SOX5: variants seen among roughly 807,000 people sequenced by gnomAD.
SOX5 encodes the protein transcription factor SOX-5.
SOX5 carries 9 observed loss-of-function variants against 92.0 expected under a neutral mutation model. The ratio of observed to expected loss-of-function variants is 0.10; its 90% CI spans 0.06 to 0.17. The LOEUF is 0.17. SOX5 is among the 10% of genes least tolerant of loss of function. The pLI is 1.00. For missense variants in SOX5, 642 were observed against 944.5 expected (o/e 0.68, Z 4.20); for synonymous variants, 344 against 336.3 (o/e 1.02, Z -0.25).
At chr12:23,679,866 C>G (rs2086296637) in intron 6 of SOX5, among the ~76,000 whole-genome samples, 1 of 151,438 alleles carries the variant, frequency 6.6e-6, no homozygotes. Context: ...ATTTAGATAC[C>G]CAAAGATATC....
chr12:24,444,754 T>C (rs1315551807), intron 1 of SOX5, among the ~76,000 whole-genome samples: 1 of 152,106 alleles, frequency 6.6e-6, no homozygotes, highest in Non-Finnish European at 1.5e-5. Context: ...CAGCCCACTG[T>C]CTCAGTTCAA....
chr12:24,119,724 A>G (rs1240526367), intron 4 of SOX5, among the ~76,000 whole-genome samples: 1 of 152,182 alleles, frequency 6.6e-6, no homozygotes, highest in South Asian at 2.1e-4. Flanking sequence ...AAAAGGATAC[A>G]GGTCAATGTA....
At chr12:24,383,764 G>A (rs975077622) in intron 1 of SOX5, among the ~76,000 whole-genome samples, 3 of 152,266 alleles carry the variant, frequency 2.0e-5, no homozygotes, top group Admixed American at 1.3e-4. Context: ...GGACTGGTTG[G>A]GGGGTACTGG....
chr12:24,028,274 T>C (rs983385653), intron 4 of SOX5, among the ~76,000 whole-genome samples: 1 of 151,986 alleles, frequency 6.6e-6, no homozygotes, highest in Non-Finnish European at 1.5e-5. Context: ...CTGTCTCATT[T>C]GGTGCAAAAC....
chr12:23,761,401 G>C (rs545731054), intron 3 of SOX5, among the ~76,000 whole-genome samples: 1 of 152,152 alleles, frequency 6.6e-6, no homozygotes, highest in Admixed American at 6.5e-5. Context: ...GGTACTAACA[G>C]GTTGGTAATT....
chr12:24,435,859 G>A (rs1939327723), intron 1 of SOX5, among the ~76,000 whole-genome samples: 1 of 151,806 alleles, frequency 6.6e-6, no homozygotes, highest in African/African-American at 2.4e-5. Context: ...TACTCATTTT[G>A]TTTCTGTGTC....
intron 1 of SOX5, among the ~76,000 whole-genome samples, chr12:24,400,218 G>A (rs751220671): frequency 2.0e-5 from 3 of 152,214 alleles, no homozygotes; most frequent in Non-Finnish European, 2.9e-5. Flanking sequence ...TTTCAAGATA[G>A]ATGGCACAAT....
At chr12:23,824,833 G>C (rs917403869) in intron 3 of SOX5, among the ~76,000 whole-genome samples, 3 of 152,164 alleles carry the variant, frequency 2.0e-5, no homozygotes, top group African/African-American at 7.2e-5. Flanking sequence ...TAGCTTTGCC[G>C]AGCTGTGGTG....
chr12:23,870,029 T>C (rs1246876148), intron 2 of SOX5, among the ~76,000 whole-genome samples: 2 of 152,160 alleles, frequency 1.3e-5, no homozygotes, highest in Non-Finnish European at 2.9e-5. Context: ...TTCTCTCCCA[T>C]GTCACTACAT....
intron 6 of SOX5, among the ~76,000 whole-genome samples, chr12:23,730,371 G>A (rs997301826): frequency 6.6e-6 from 1 of 151,990 alleles, no homozygotes; most frequent in Admixed American, 6.6e-5. Context: ...AAATATTAGA[G>A]GGAAATATTC....
chr12:24,395,260 G>A (rs992343559), intron 1 of SOX5, among the ~76,000 whole-genome samples: 20 of 151,090 alleles, frequency 1.3e-4, no homozygotes, highest in Admixed American at 2.6e-4. Context: ...AAAAAAAAAA[G>A]AGCTACCATT....
intron 6 of SOX5, among the ~76,000 whole-genome samples, chr12:23,691,372 G>C (rs2088774012): frequency 6.6e-6 from 1 of 152,136 alleles, no homozygotes; most frequent in African/African-American, 2.4e-5. Flanking sequence ...CTTTAGTTAA[G>C]ACTATGTTAA....
chr12:24,448,632 G>T (rs544273523), intron 1 of SOX5, among the ~76,000 whole-genome samples: 1 of 152,088 alleles, frequency 6.6e-6, no homozygotes, highest in South Asian at 2.1e-4. Context: ...AATTCCTGTT[G>T]CACTATGGTA....
chr12:23,925,490 C>T (rs1939705056), intron 1 of SOX5, among the ~76,000 whole-genome samples: 1 of 151,882 alleles, frequency 6.6e-6, no homozygotes, highest in South Asian at 2.1e-4. Flanking sequence ...TGATAGGTGC[C>T]AGAAAAAGTA....
chr12:24,117,092 A>G (rs1207196509), intron 4 of SOX5, among the ~76,000 whole-genome samples: 1 of 152,146 alleles, frequency 6.6e-6, no homozygotes, highest in Non-Finnish European at 1.5e-5. Context: ...CAAAATATAG[A>G]GGGAATTCAA....
chr12:24,142,547 A>G (rs1440021184), intron 4 of SOX5, among the ~76,000 whole-genome samples: 1 of 151,916 alleles, frequency 6.6e-6, no homozygotes, highest in Admixed American at 6.6e-5. Flanking sequence ...AGCACAAACT[A>G]TTGGGGCAAG....
At chr12:23,959,252 T>G (rs1287079644) in intron 4 of SOX5, among the ~76,000 whole-genome samples, 1 of 151,872 alleles carries the variant, frequency 6.6e-6, no homozygotes, top group Non-Finnish European at 1.5e-5. Flanking sequence ...TACTAGAAAT[T>G]AAAACATAAT....
rs182625089 is a variant in SOX5 at position 24,438,212 on chromosome 12, C to A, written c.-250-69573G>T. 7.9e-5 allele frequency among the ~76,000 whole-genome samples: 12 copies of A among 152,276 alleles called. No individual in the cohort carries two copies. The East Asian group carries it at 2.1e-3, about 27-fold the overall frequency. On this transcript the variant is annotated intron_variant, in intron 1 of 4. Coordinates refer to the SOX5 transcript ENST00000446891. ...AAACCAAACCCCACATGTTCTCACT[C>A]ATAAGTGGGAGTTGAACAATGAGAG...
chr12:23,615,222 C>T (rs1056548001), intron 8 of SOX5, among the ~76,000 whole-genome samples: 3 of 151,996 alleles, frequency 2.0e-5, no homozygotes, highest in Non-Finnish European at 4.4e-5. Context: ...TTTTCATGTA[C>T]TTATTAGCCA....
Sources: allele counts gnomAD v4.1 joint callset (sites outside exome capture counted in the v4.1 genomes callset), GRCh38; gene constraint gnomAD v4.1.1; transcripts MANE v1.5; gene names NCBI Gene and HGNC (gene_info 2026-07-23, HGNC 2026-07-21).